Variants in RYR2 observed in about 807,000 individuals in gnomAD.
RYR2 encodes the protein ryanodine receptor 2, also known as cardiac muscle ryanodine receptor-calcium release channel.
In RYR2, 227 loss-of-function variants were observed where a neutral mutation model predicts 601.1. The ratio of observed to expected loss-of-function variants is 0.38; its 90% CI spans 0.34 to 0.42. The LOEUF is 0.42. Among genes scored for constraint, RYR2 ranks in the 10% least tolerant of loss-of-function variants. The probability of loss-of-function intolerance (pLI) is 1.00; values close to 1 mark genes in which losing one functional copy is unlikely to be tolerated. For synonymous variants in RYR2, 2,223 were observed against 2,175.1 expected (o/e 1.02, Z -0.61); for missense variants, 4,646 against 6,156.5 (o/e 0.75, Z 8.21).
intron 73 of RYR2, among the ~76,000 whole-genome samples, chr1:237,719,387 A>G (rs1689521354): frequency 1.3e-5 from 2 of 152,214 alleles, no homozygotes; most frequent in African/African-American, 2.4e-5. Flanking sequence ...ATTTAGGAAG[A>G]AAAGAGGTTT....
intron 1 of RYR2, among the ~76,000 whole-genome samples, chr1:237,118,765 G>A (rs1670425504): frequency 6.6e-6 from 1 of 151,982 alleles, no homozygotes; most frequent in South Asian, 2.1e-4. Context: ...CACCACGCCT[G>A]TAGTGATACC....
At chr1:237,445,301 T>C in intron 13 of RYR2, 100 bp from the exon 14 acceptor site, 2 of 1,469,924 alleles carry the variant, frequency 1.4e-6, no homozygotes, top group Non-Finnish European at 1.9e-6. Flanking sequence ...CTTTTGATTC[T>C]ATCTGTTGTT....
At chr1:237,544,737 T>C (rs1233532107) in intron 25 of RYR2, among the ~76,000 whole-genome samples, 1 of 152,200 alleles carries the variant, frequency 6.6e-6, no homozygotes, top group African/African-American at 2.4e-5. Flanking sequence ...ATATATCTCA[T>C]TTTGATATAA....
chr1:237,438,700 T>C (rs774694757), intron 12 of RYR2, among the ~76,000 whole-genome samples: 5 of 152,212 alleles, frequency 3.3e-5, no homozygotes, highest in African/African-American at 9.6e-5. Flanking sequence ...TATCCTCTGA[T>C]ACCTCAAGCC....
chr1:237,715,345 G>C (rs1482000534), intron 71 of RYR2, among the ~76,000 whole-genome samples: 1 of 152,090 alleles, frequency 6.6e-6, no homozygotes, highest in East Asian at 1.9e-4. Flanking sequence ...GCGTACAGGA[G>C]GATATTTTAT....
chr1:237,757,906 A>G, intron 82 of RYR2, 130 bp downstream of exon 82: 1 of 559,264 alleles, frequency 1.8e-6, no homozygotes, highest in Non-Finnish European at 3.2e-6. Flanking sequence ...CACAGTACTG[A>G]AGAGAGAGCA....
At chr1:237,496,121 G>GA (rs1216275288) in intron 19 of RYR2, among the ~76,000 whole-genome samples, 1 of 152,206 alleles carries the variant, frequency 6.6e-6, no homozygotes, top group Non-Finnish European at 1.5e-5. Flanking sequence ...ATAGTGAGAT[G>GA]TGGCTGGGCA....
Position 237,614,534 on chromosome 1 carries a change from C to G in RYR2, c.5406C>G (p.Gly1802=). ...TGCTGACAGAAGCTGTTAAAGAGGG[C>G]AGTCTTCATGCCCGGGACCCAGTTG... ...IQMLTEAVKE[G]SLHARDPVGG... is the part of the protein sequence containing the mutation. The change falls in exon 37 of 105, where the codon GGC becomes GGG. Residue 1802 remains glycine (G), a synonymous_variant. Coordinates refer to ENST00000366574, the MANE Select transcript of RYR2 (RefSeq NM_001035.3). This position sits in a 1 kb window ranked among gnomAD's most constrained non-coding sequence, Gnocchi z 4.3. 6.2e-7 allele frequency: 1 copy of G among 1,614,024 alleles called. No individual in the cohort carries two copies. The highest frequency in any genetic ancestry group is 1.1e-5 in the South Asian group (1 of 91,082).
At chr1:237,674,666 C>A in intron 59 of RYR2, 65 bp from the exon 60 acceptor site, 1 of 807,972 alleles carries the variant, frequency 1.2e-6, no homozygotes, top group South Asian at 1.4e-5. Context: ...TATACACACA[C>A]ACAATTTTAC....
chr1:237,141,740 C>G (rs894054729), intron 1 of RYR2, among the ~76,000 whole-genome samples: 2 of 152,218 alleles, frequency 1.3e-5, no homozygotes, highest in African/African-American at 4.8e-5. Context: ...TTTTCTGGCT[C>G]TTTGCCTACA....
chr1:237,731,366 A>T (rs963649400), intron 77 of RYR2, among the ~76,000 whole-genome samples: 6 of 152,192 alleles, frequency 3.9e-5, no homozygotes, highest in East Asian at 3.8e-4. Context: ...GTAAAAAAAA[A>T]ATATTTTTTA....
Position 237,217,583 on chromosome 1 carries a change from C to T in RYR2, c.49-52914C>T, listed in dbSNP as rs186364437. Among the ~76,000 whole-genome samples, 35 of 152,210 alleles carry T rather than the reference C, an allele frequency of 2.3e-4. No homozygotes were observed. In the East Asian group the frequency reaches 5.4e-3, roughly 24 times the overall value. Reference sequence around the variant, plus strand: ...TAATAATAGCACCAAGTTCATAGGACGGCAGAGTATCCAAGCAGTGTCTGG... The same window carrying T: ...TAATAATAGCACCAAGTTCATAGGATGGCAGAGTATCCAAGCAGTGTCTGG... On this transcript the variant is annotated intron_variant, in intron 1 of 104. Coordinates refer to ENST00000366574, the MANE Select transcript of RYR2 (RefSeq NM_001035.3).
At chr1:237,175,496 A>G (rs1167640048) in intron 1 of RYR2, among the ~76,000 whole-genome samples, 3 of 152,002 alleles carry the variant, frequency 2.0e-5, no homozygotes, top group African/African-American at 7.3e-5. Context: ...GTCTCTATGT[A>G]CCTACCTATA....
chr1:237,361,702 TC>T (rs1170660090), intron 4 of RYR2, among the ~76,000 whole-genome samples: 1 of 152,188 alleles, frequency 6.6e-6, no homozygotes, highest in African/African-American at 2.4e-5. Flanking sequence ...AGTTTTTAGC[TC>T]ATGAAACTGA....
At chr1:237,082,369 C>T (rs1305726731) in intron 1 of RYR2, among the ~76,000 whole-genome samples, 3 of 151,624 alleles carry the variant, frequency 2.0e-5, no homozygotes, top group Non-Finnish European at 4.4e-5. Flanking sequence ...GCAAAGATGG[C>T]GGACATTTTT....
At chr1:237,419,460 T>A (rs1705342551) in intron 11 of RYR2, among the ~76,000 whole-genome samples, 1 of 152,178 alleles carries the variant, frequency 6.6e-6, no homozygotes, top group Non-Finnish European at 1.5e-5. Context: ...TATGTTTGTA[T>A]TTTGAAATAG....
chr1:237,782,272 C>T (rs115399736), intron 89 of RYR2, among the ~76,000 whole-genome samples: 1,671 of 147,568 alleles, frequency 0.011, 18 homozygotes, highest in Middle Eastern at 0.022. Flanking sequence ...ATCCTGGCTT[C>T]CTTACCTCTG....
chr1:237,501,682 CAG>C (rs1413819776), intron 21 of RYR2, among the ~76,000 whole-genome samples: 2 of 152,162 alleles, frequency 1.3e-5, no homozygotes, highest in African/African-American at 4.8e-5. Flanking sequence ...GAAGAAGAAA[CAG>C]AGTAATCATG....
chr1:237,454,378 T>C lies in RYR2; in HGVS notation c.1293-13T>C. The C allele has an allele frequency of 1.3e-6, 2 of 1,580,602 alleles. No homozygotes were observed. The highest frequency in any genetic ancestry group is 1.7e-6 in the Non-Finnish European group (2 of 1,167,420). ...ATCACTGACAATAGAGAAATGTTTA[T>C]GGTTTATTTTAGGGGCCTTGATGCT... is the stretch of plus-strand genomic sequence containing the variant. On this transcript the variant is annotated splice_polypyrimidine_tract_variant and intron_variant, in intron 14 of 104. Coordinates refer to ENST00000366574, the MANE Select transcript of RYR2 (RefSeq NM_001035.3).
Sources: gnomAD v4.1 joint callset for allele counts (sites outside exome capture counted in the v4.1 genomes callset) on GRCh38, gnomAD v4.1.1 for gene constraint, Gnocchi (gnomAD v3.1) non-coding constraint, MANE v1.5 for transcripts, NCBI Gene and HGNC (gene_info 2026-07-23, HGNC 2026-07-21) for gene names.